The following POLR2B variants were observed in gnomAD, a reference collection of about 807,000 sequenced individuals.
POLR2B encodes the protein RNA polymerase II subunit B.
A neutral mutation model predicts 144.6 loss-of-function variants in POLR2B; 57 were observed. The ratio of observed to expected loss-of-function variants is 0.39; its 90% confidence interval spans 0.32 to 0.49. The LOEUF is 0.49. POLR2B is among the 20% of genes least tolerant of loss of function. The probability of loss-of-function intolerance (pLI) is 0.83; values close to 1 mark genes in which losing one functional copy is unlikely to be tolerated. For synonymous variants in POLR2B, 442 were observed against 469.8 expected, an observed-to-expected ratio of 0.94 and a Z score of 0.77; for missense variants, 595 against 1,467.4, an observed-to-expected ratio of 0.41 and a Z score of 9.71.
chr4:57,022,291 A>G (rs775609493), intron 18 of POLR2B, 45 bp downstream of exon 18: 1 of 1,267,160 alleles, frequency 7.9e-7, no homozygotes, highest in Non-Finnish European at 1.1e-6. Flanking sequence ...AAGTTAACTT[A>G]CTGTGGTTTT....
intron 6 of POLR2B, among the ~76,000 whole-genome samples, chr4:56,997,817 G>C (rs550975921): frequency 1.3e-5 from 2 of 152,284 alleles, no homozygotes; most frequent in South Asian, 4.1e-4. Context: ...AGTACAAAAG[G>C]GGCCCATTTC....
chr4:57,014,045 A>G (rs1261113071), intron 13 of POLR2B, among the ~76,000 whole-genome samples: 4 of 152,220 alleles, frequency 2.6e-5, no homozygotes, highest in African/African-American at 9.6e-5. Flanking sequence ...TGAAAGAAGA[A>G]TCTTTCTTGG....
intron 7 of POLR2B, chr4:57,002,615 C>T (rs1169691487): frequency 1.3e-5 from 2 of 151,978 alleles, no homozygotes; most frequent in Non-Finnish European, 2.9e-5. Flanking sequence ...CTATCTGTGA[C>T]CTCACTTTGG....
At chr4:57,018,108 G>T (rs1215017685) in intron 16 of POLR2B, among the ~76,000 whole-genome samples, 4 of 152,198 alleles carry the variant, frequency 2.6e-5, no homozygotes, top group Admixed American at 2.6e-4. Context: ...TGTCAGCTTA[G>T]TGGGAGTGGA....
In POLR2B at chr4:56,999,747, T is replaced by C. The variant is rs1722798268; in HGVS notation, c.866T>C (p.Ile289Thr). The change falls in exon 7 of 25, where the codon ATT becomes ACT. Residue 289 changes from isoleucine to threonine, a missense_variant. Ile to Thr is a moderately conservative substitution (Grantham distance 89). Around this residue, in one of 9 missense-constraint regions of POLR2B, gnomAD observed 251 missense variants for 567.3 expected, o/e 0.44. Transcript: ENST00000314595. Reference protein sequence around the residue: ...VSDRDILEHIIYDFEDPEMME... With the variant: ...VSDRDILEHITYDFEDPEMME... Reference sequence around the variant, plus strand: ...GACAGAGATATTTTAGAACATATTATTTATGATTTTGAAGATCCAGAGATG... The same window carrying C: ...GACAGAGATATTTTAGAACATATTACTTATGATTTTGAAGATCCAGAGATG... The C allele has an allele frequency of 1.2e-6, 2 of 1,610,648 alleles. No homozygotes were observed. The highest frequency in any genetic ancestry group is 1.7e-6 in the Non-Finnish European group (2 of 1,177,416).
intron 13 of POLR2B, among the ~76,000 whole-genome samples, chr4:57,014,464 G>A (rs1723300996): frequency 6.6e-6 from 1 of 150,848 alleles, no homozygotes; most frequent in African/African-American, 2.4e-5. Context: ...CAAAGTGTTG[G>A]GATTACTGGC....
chr4:57,021,011 A>G lies in POLR2B; in HGVS notation c.2420+16A>G. On this transcript the variant is annotated intron_variant, in intron 17 of 24. Transcript: ENST00000314595. ...GCTTCTTCAGGTTAGTATTTTGTAA[A>G]TTTGTCAAAACACAGATACAGTGGA... 1 of 1,397,898 alleles carries G rather than the reference A, an allele frequency of 7.2e-7. No individual in the cohort carries two copies. Among genetic ancestry groups the G allele is most frequent in the Non-Finnish European group, 1.0e-6 (1 of 983,726 alleles). The allele number at this position is 1,397,898 out of a possible 1,614,324, so 86.6% of individuals were successfully genotyped here. A position where few individuals can be genotyped will look rare whatever the true frequency, so the allele number is the denominator to read the frequency against.
At chr4:57,009,388 G>T (rs1372456031) in intron 10 of POLR2B, among the ~76,000 whole-genome samples, 1 of 152,080 alleles carries the variant, frequency 6.6e-6, no homozygotes, top group Admixed American at 6.6e-5. Context: ...GGGGAAGGTT[G>T]TTTTTGGGGC....
chr4:57,010,664 T>G (rs369161188), intron 11 of POLR2B, 84 bp from the exon 12 acceptor site: 2 of 1,382,902 alleles, frequency 1.4e-6, no homozygotes, highest in Non-Finnish European at 2.0e-6. Context: ...AATCTTGAAA[T>G]CACATTGAAG....
chr4:56,985,910 A>T (rs1019126222), intron 1 of POLR2B, among the ~76,000 whole-genome samples: 7 of 152,200 alleles, frequency 4.6e-5, no homozygotes, highest in African/African-American at 1.7e-4. Flanking sequence ...ATTATAGAAG[A>T]CCATGTCGGA....
At chr4:57,016,158 C>T (rs913593478) in intron 14 of POLR2B, among the ~76,000 whole-genome samples, 21 of 152,260 alleles carry the variant, frequency 1.4e-4, no homozygotes, top group African/African-American at 5.1e-4. Flanking sequence ...ACTTTCATTG[C>T]CCCGAAAAAA....
Position 57,017,388 on chromosome 4 carries a change from G to T in POLR2B, c.2154+147G>T. On this transcript the variant is annotated intron_variant, in intron 15 of 24. Coordinates refer to ENST00000314595, the MANE Select transcript of POLR2B (RefSeq NM_000938.3). The surrounding 1 kb of genome is among the most constrained non-coding windows in gnomAD (Gnocchi z 4.8). ...GGAATCAGTATTTGATATAATTGCT[G>T]TTGTGTTTCATGGTTAAGAGCCGTA... The T allele has an allele frequency of 1.3e-6, 1 of 795,424 alleles. No homozygotes were observed. The highest frequency in any genetic ancestry group is 2.0e-6 in the Non-Finnish European group (1 of 489,108). 49.3% of individuals were successfully genotyped at this position (795,424 alleles called of 1,614,324 possible).
In POLR2B at chr4:57,023,820, G is replaced by A. The variant is rs1723627292; in HGVS notation, c.2856+69G>A. On this transcript the variant is annotated intron_variant, in intron 20 of 24. Transcript: ENST00000314595. The surrounding 1 kb of genome is among the most constrained non-coding windows in gnomAD (Gnocchi z 4.3). ...AATATTTTTTTTTTAATCAAAATTT[G>A]CTTTAACTTAAGAGCTCAAAGATGA... The A allele has an allele frequency of 4.4e-6, 5 of 1,140,634 alleles. No individual in the cohort carries two copies. Among genetic ancestry groups the A allele is most frequent in the Non-Finnish European group, 6.3e-6 (5 of 789,456 alleles). 70.7% of individuals were successfully genotyped at this position (1,140,634 alleles called of 1,614,324 possible).
At chr4:56,991,000 C>G in intron 3 of POLR2B, 102 bp downstream of exon 3, 1 of 892,912 alleles carries the variant, frequency 1.1e-6, no homozygotes, top group Non-Finnish European at 1.6e-6. Flanking sequence ...TCAGTTGGAG[C>G]TTTTAGCAAA....
intron 1 of POLR2B, among the ~76,000 whole-genome samples, chr4:56,984,909 G>A (rs1722270691): frequency 6.6e-6 from 1 of 152,010 alleles, no homozygotes; most frequent in Admixed American, 6.6e-5. Flanking sequence ...GCATAACTAC[G>A]CTAAAATTTA....
At chr4:56,980,642 C>T (rs1389925262) in intron 1 of POLR2B, among the ~76,000 whole-genome samples, 1 of 152,078 alleles carries the variant, frequency 6.6e-6, no homozygotes, top group South Asian at 2.1e-4. Context: ...ATCGCTTGAG[C>T]CTGGGAAGTT....
chr4:56,998,740 C>T (rs370296171), intron 6 of POLR2B, among the ~76,000 whole-genome samples: 2 of 152,064 alleles, frequency 1.3e-5, no homozygotes, highest in East Asian at 3.9e-4. Flanking sequence ...AATTGATGTC[C>T]AGGTGGAAAC....
intron 17 of POLR2B, among the ~76,000 whole-genome samples, chr4:57,021,824 T>C (rs573789579): frequency 3.5e-4 from 53 of 152,234 alleles, no homozygotes; most frequent in Admixed American, 6.5e-4. Flanking sequence ...TCACTGGAAG[T>C]GTTTGAGTAG....
At chr4:56,994,947 G>GA in intron 5 of POLR2B, 81 bp downstream of exon 5, 1 of 812,018 alleles carries the variant, frequency 1.2e-6, no homozygotes. Context: ...AAAAAAAAAA[G>GA]AAAGAAAGAT....
Sources: allele counts gnomAD v4.1 joint callset (sites outside exome capture counted in the v4.1 genomes callset), GRCh38; gene constraint gnomAD v4.1.1; regional missense constraint gnomAD v4.1.1; non-coding constraint Gnocchi (gnomAD v3.1); transcripts MANE v1.5; gene names NCBI Gene and HGNC (gene_info 2026-07-23, HGNC 2026-07-21).